CSMD1: variants seen among roughly 807,000 people sequenced by gnomAD.
CSMD1 encodes the protein CUB and sushi domain-containing protein 1.
CSMD1 carries 213 observed loss-of-function variants against 417.5 expected under a neutral mutation model. The ratio of observed to expected loss-of-function variants is 0.51; its 90% CI spans 0.46 to 0.57. CSMD1 has a LOEUF of 0.57. CSMD1 is among the 20% of genes least tolerant of loss of function. The pLI is 0.00. For synonymous variants in CSMD1, 2,862 were observed against 1,736.8 expected (o/e 1.65, Z -16.11); for missense variants, 6,923 against 4,529.7 (o/e 1.53, Z -15.17).
At chr8:4,968,932 T>G (rs1206586234) in intron 1 of CSMD1, among the ~76,000 whole-genome samples, 1 of 152,140 alleles carries the variant, frequency 6.6e-6, no homozygotes, top group African/African-American at 2.4e-5. Flanking sequence ...CCAAACATTT[T>G]GTCATTCTCT....
intron 3 of CSMD1, among the ~76,000 whole-genome samples, chr8:4,123,180 G>T (rs941337683): frequency 1.3e-5 from 2 of 152,170 alleles, no homozygotes; most frequent in African/African-American, 4.8e-5. Context: ...TTTATAACTC[G>T]GCTACATGAT....
At chr8:3,055,386 T>C (rs1018397792) in intron 49 of CSMD1, among the ~76,000 whole-genome samples, 1 of 152,178 alleles carries the variant, frequency 6.6e-6, no homozygotes, top group Non-Finnish European at 1.5e-5. Context: ...AAAAGGCTAT[T>C]TGGTAGATTT....
chr8:3,460,825 A>T (rs1365233683), intron 12 of CSMD1, among the ~76,000 whole-genome samples: 1 of 152,220 alleles, frequency 6.6e-6, no homozygotes, highest in Non-Finnish European at 1.5e-5. Flanking sequence ...GGGTAAGAAC[A>T]GACAATGCTG....
chr8:4,377,247 T>A (rs1176953532), intron 3 of CSMD1, among the ~76,000 whole-genome samples: 1 of 152,102 alleles, frequency 6.6e-6, no homozygotes, highest in Non-Finnish European at 1.5e-5. Flanking sequence ...GATTAGTAAT[T>A]AAACAAAGCA....
At chr8:4,631,334 C>G (rs919679640) in intron 2 of CSMD1, among the ~76,000 whole-genome samples, 1 of 151,790 alleles carries the variant, frequency 6.6e-6, no homozygotes, top group Non-Finnish European at 1.5e-5. Flanking sequence ...CACGCTCCAG[C>G]CTGGGAGACA....
At chr8:4,123,964 A>C (rs903184710) in intron 3 of CSMD1, among the ~76,000 whole-genome samples, 2 of 152,214 alleles carry the variant, frequency 1.3e-5, no homozygotes, top group Non-Finnish European at 2.9e-5. Context: ...AGCTGGAAAA[A>C]AGTTTCTGAT....
chr8:3,760,946 A>G lies in CSMD1; in HGVS notation c.819-6904T>C, dbSNP rs541320766. Among the ~76,000 whole-genome samples the G allele has an allele frequency of 2.0e-5, 3 of 149,998 alleles. No individual in the cohort carries two copies. The Admixed American group carries it at 2.0e-4, about 10-fold the overall frequency. On this transcript the variant is annotated intron_variant, in intron 5 of 69. Transcript: ENST00000635120. ...GTCAATTTGGGCAGAAAGCCATATA[A>G]AAGATGTGCTTTTTCTTTTTTTTTT...
chr8:3,316,585 G>A (rs1805779534), intron 23 of CSMD1, among the ~76,000 whole-genome samples: 1 of 152,148 alleles, frequency 6.6e-6, no homozygotes, highest in South Asian at 2.1e-4. Flanking sequence ...TCCACTCAGA[G>A]GGAGAACAGT....
intron 2 of CSMD1, among the ~76,000 whole-genome samples, chr8:4,427,650 C>T (rs957558336): frequency 6.6e-6 from 1 of 151,988 alleles, no homozygotes; most frequent in Admixed American, 6.6e-5. Context: ...TATTTTTATA[C>T]GTTAACTTTT....
chr8:4,215,286 A>C (rs1331633815), intron 3 of CSMD1, among the ~76,000 whole-genome samples: 4 of 152,178 alleles, frequency 2.6e-5, no homozygotes, highest in African/African-American at 9.7e-5. Context: ...TTTTCATAAT[A>C]TTCATCTCCT....
chr8:4,298,435 T>C (rs538762808), intron 3 of CSMD1, among the ~76,000 whole-genome samples: 2 of 152,162 alleles, frequency 1.3e-5, no homozygotes, highest in Non-Finnish European at 1.5e-5. Context: ...TACAAAGTTG[T>C]GAATAATTCC....
chr8:3,779,744 G>C (rs553310790), intron 5 of CSMD1, among the ~76,000 whole-genome samples: 28 of 152,290 alleles, frequency 1.8e-4, no homozygotes, highest in Non-Finnish European at 3.5e-4. Flanking sequence ...TTATATTTAA[G>C]TTATTTGAAA....
Position 4,899,256 on chromosome 8 carries a change from G to A in CSMD1, c.85+95076C>T, listed in dbSNP as rs145741993. Among the ~76,000 whole-genome samples, 508 of 152,248 alleles carry A rather than the reference G, an allele frequency of 3.3e-3. 2 individuals carry two copies. Among genetic ancestry groups the A allele is most frequent in the Non-Finnish European group, 5.7e-3 (390 of 68,016 alleles). On this transcript the variant is annotated intron_variant, in intron 1 of 69. Coordinates refer to ENST00000635120, the MANE Select transcript of CSMD1 (RefSeq NM_033225.6). ...GAGAAGTTTTGGTTGAAATTGTAAG[G>A]TATTGCCATCCATGCATTATAAGCA...
At position 4,078,409 on chromosome 8, in the gene CSMD1, G is replaced by C. The variant is rs1343082444; in HGVS notation, c.416-46310C>G. ...GACTCACTGCAAGCTCCACCTCCCGGGTTCACGCCATTCTCCTGCCTCAGC... is the reference window on the plus strand; with the variant it reads ...GACTCACTGCAAGCTCCACCTCCCGCGTTCACGCCATTCTCCTGCCTCAGC... On this transcript the variant is annotated intron_variant, in intron 3 of 69. Coordinates refer to ENST00000635120, the MANE Select transcript of CSMD1 (RefSeq NM_033225.6). Among the ~76,000 whole-genome samples the C allele has an allele frequency of 2.0e-5, 3 of 148,792 alleles. No individual in the cohort carries two copies. In the Admixed American group the frequency reaches 2.0e-4, roughly 10 times the overall value.
intron 12 of CSMD1, among the ~76,000 whole-genome samples, chr8:3,455,168 C>A (rs1295328546): frequency 6.6e-6 from 1 of 152,148 alleles, no homozygotes; most frequent in Non-Finnish European, 1.5e-5. Flanking sequence ...TCCATTAGGT[C>A]CTTTAAGGAC....
chr8:4,389,965 T>C (rs187914156), intron 3 of CSMD1, among the ~76,000 whole-genome samples: 17 of 152,314 alleles, frequency 1.1e-4, no homozygotes, highest in Non-Finnish European at 4.4e-5. Flanking sequence ...GCATGCATGA[T>C]GTACTTGCTC....
At chr8:3,484,168 C>T (rs187144432) in intron 11 of CSMD1, among the ~76,000 whole-genome samples, 6 of 152,106 alleles carry the variant, frequency 3.9e-5, no homozygotes, top group African/African-American at 9.7e-5. Flanking sequence ...AACATCACTC[C>T]GCCTGATATT....
At chr8:4,544,414 G>T (rs543597333) in intron 2 of CSMD1, among the ~76,000 whole-genome samples, 1 of 152,086 alleles carries the variant, frequency 6.6e-6, no homozygotes, top group Non-Finnish European at 1.5e-5. Flanking sequence ...AAAAATTACA[G>T]TAGTTATAAA....
At chr8:4,574,989 A>C (rs1394517352) in intron 2 of CSMD1, among the ~76,000 whole-genome samples, 1 of 152,224 alleles carries the variant, frequency 6.6e-6, no homozygotes, top group South Asian at 2.1e-4. Context: ...ATTCGGTTTT[A>C]ATATTGTGCT....
Sources: gnomAD v4.1 joint callset for allele counts (sites outside exome capture counted in the v4.1 genomes callset) on GRCh38, gnomAD v4.1.1 for gene constraint, MANE v1.5 for transcripts, NCBI Gene and HGNC (gene_info 2026-07-23, HGNC 2026-07-21) for gene names.